Variants in CSMD1 observed in about 807,000 individuals in gnomAD.
CSMD1 encodes the protein CUB and sushi domain-containing protein 1.
CSMD1 carries 213 observed loss-of-function variants against 417.5 expected under a neutral mutation model. The ratio of observed to expected loss-of-function variants is 0.51; its 90% CI spans 0.46 to 0.57. The LOEUF (loss-of-function observed/expected upper bound fraction) is 0.57, where lower values mean the gene tolerates loss of function less well. CSMD1 is among the 20% of genes least tolerant of loss of function. The pLI is 0.00. For synonymous variants in CSMD1, 2,862 were observed against 1,736.8 expected (o/e 1.65, Z -16.11); for missense variants, 6,923 against 4,529.7 (o/e 1.53, Z -15.17).
chr8:3,921,925 C>T (rs953304214), intron 5 of CSMD1, among the ~76,000 whole-genome samples: 5 of 152,122 alleles, frequency 3.3e-5, no homozygotes, highest in Admixed American at 1.3e-4. Context: ...TGGCCAAGTA[C>T]ATTGCTTTCT....
In CSMD1 at chr8:4,780,104, G is replaced by C. The variant is rs759792578; in HGVS notation, c.86-142546C>G. Among the ~76,000 whole-genome samples the C allele has an allele frequency of 2.0e-5, 3 of 152,142 alleles. No homozygotes were observed. The South Asian group carries it at 6.2e-4, about 32-fold the overall frequency. On this transcript the variant is annotated intron_variant, in intron 1 of 69. Coordinates refer to ENST00000635120, the MANE Select transcript of CSMD1 (RefSeq NM_033225.6). ...GTTGAATATGATACACCCGCGTTTT[G>C]TATTTTAGCAACATTTACTACAGTC...
At chr8:3,491,197 G>A (rs1250211710) in intron 11 of CSMD1, among the ~76,000 whole-genome samples, 1 of 152,104 alleles carries the variant, frequency 6.6e-6, no homozygotes, top group East Asian at 1.9e-4. Flanking sequence ...AAAAAGCATG[G>A]TAGGTCCACA....
chr8:3,095,575 T>C (rs918226793), intron 47 of CSMD1, among the ~76,000 whole-genome samples: 6 of 152,214 alleles, frequency 3.9e-5, no homozygotes, highest in Admixed American at 1.3e-4. Flanking sequence ...GATTCAGTGA[T>C]GTCTATCCAT....
chr8:4,285,198 G>A (rs1039198123), intron 3 of CSMD1, among the ~76,000 whole-genome samples: 3 of 152,202 alleles, frequency 2.0e-5, no homozygotes, highest in South Asian at 2.1e-4. Context: ...GTCAAGGAGT[G>A]TGTTAAAATT....
chr8:3,495,992 C>T (rs1033663127), intron 10 of CSMD1, among the ~76,000 whole-genome samples: 10 of 152,106 alleles, frequency 6.6e-5, no homozygotes, highest in Non-Finnish European at 1.5e-5. Flanking sequence ...GTTTGCTGCA[C>T]CTGTCAACCC....
intron 23 of CSMD1, among the ~76,000 whole-genome samples, chr8:3,314,853 C>A (rs1052869723): frequency 3.9e-5 from 6 of 152,146 alleles, no homozygotes; most frequent in Admixed American, 1.3e-4. Context: ...TCAAGAGAAC[C>A]GGCTCCAGAC....
intron 1 of CSMD1, among the ~76,000 whole-genome samples, chr8:4,913,422 C>T (rs887910184): frequency 2.0e-5 from 3 of 152,122 alleles, no homozygotes; most frequent in Non-Finnish European, 1.5e-5. Flanking sequence ...AGTGCTTGGA[C>T]ACTCAGTGAA....
intron 39 of CSMD1, among the ~76,000 whole-genome samples, chr8:3,155,531 C>G (rs1473303305): frequency 6.6e-6 from 1 of 151,372 alleles, no homozygotes; most frequent in Non-Finnish European, 1.5e-5. Context: ...CCACGCCCAG[C>G]TAATTTTTTG....
chr8:3,786,826 C>T (rs376145361), intron 5 of CSMD1, among the ~76,000 whole-genome samples: 393 of 152,240 alleles, frequency 2.6e-3, no homozygotes, highest in South Asian at 8.7e-3. Flanking sequence ...AACAGAATCT[C>T]TACTGGCTCT....
chr8:3,421,181 C>T (rs1813465686), intron 12 of CSMD1, among the ~76,000 whole-genome samples: 1 of 152,130 alleles, frequency 6.6e-6, no homozygotes, highest in Non-Finnish European at 1.5e-5. Context: ...TAAACTCATA[C>T]TACAAGACAG....
At chr8:3,979,972 A>C (rs928021484) in intron 5 of CSMD1, among the ~76,000 whole-genome samples, 1 of 152,252 alleles carries the variant, frequency 6.6e-6, no homozygotes, top group African/African-American at 2.4e-5. Flanking sequence ...CCAAAGTTAA[A>C]TATTAAGAAC....
chr8:4,102,867 C>A (rs145511276), intron 3 of CSMD1, among the ~76,000 whole-genome samples: 12 of 152,130 alleles, frequency 7.9e-5, no homozygotes, highest in African/African-American at 1.9e-4. Context: ...TGAGAACCAG[C>A]GCCCTTACCT....
At chr8:3,513,047 C>A (rs1353769718) in intron 10 of CSMD1, among the ~76,000 whole-genome samples, 1 of 152,202 alleles carries the variant, frequency 6.6e-6, no homozygotes, top group South Asian at 2.1e-4. Flanking sequence ...TTAGAATTTT[C>A]CACTTCTAAA....
chr8:4,993,042 G>C (rs1017755748), intron 1 of CSMD1, among the ~76,000 whole-genome samples: 6 of 152,222 alleles, frequency 3.9e-5, no homozygotes, highest in Non-Finnish European at 7.3e-5. Context: ...TCTCCAGGCA[G>C]ATCTGGAGTT....
chr8:3,786,078 A>C (rs1584995632), intron 5 of CSMD1, among the ~76,000 whole-genome samples: 1 of 152,250 alleles, frequency 6.6e-6, no homozygotes, highest in East Asian at 1.9e-4. Flanking sequence ...AGCAGGCCTC[A>C]TTGAAAGACT....
intron 3 of CSMD1, among the ~76,000 whole-genome samples, chr8:4,315,598 T>G (rs1798875042): frequency 1.3e-5 from 2 of 152,172 alleles, no homozygotes; most frequent in Non-Finnish European, 2.9e-5. Flanking sequence ...TTGCCAGATA[T>G]TATGAATAAA....
At chr8:4,582,747 C>CAG (rs1563307765) in intron 2 of CSMD1, among the ~76,000 whole-genome samples, 1 of 152,232 alleles carries the variant, frequency 6.6e-6, no homozygotes, top group Non-Finnish European at 1.5e-5. Context: ...AGCCCTTTGG[C>CAG]CCACCGCTGC....
chr8:4,919,706 G>A (rs960314734), intron 1 of CSMD1, among the ~76,000 whole-genome samples: 1 of 152,168 alleles, frequency 6.6e-6, no homozygotes, highest in Admixed American at 6.5e-5. Flanking sequence ...TCTAAAATCT[G>A]GGTGTTGCCA....
intron 49 of CSMD1, among the ~76,000 whole-genome samples, chr8:3,068,239 T>C (rs1464119770): frequency 6.6e-6 from 1 of 152,160 alleles, no homozygotes; most frequent in Non-Finnish European, 1.5e-5. Flanking sequence ...ATAGATTTGC[T>C]CATGTTCTTT....
Sources: gnomAD v4.1 joint callset for allele counts (sites outside exome capture counted in the v4.1 genomes callset) on GRCh38, gnomAD v4.1.1 for gene constraint, MANE v1.5 for transcripts, NCBI Gene and HGNC (gene_info 2026-07-23, HGNC 2026-07-21) for gene names.